The following UBOX5 variants were observed in gnomAD, a reference collection of about 807,000 sequenced individuals.
The protein encoded by UBOX5 is RING finger protein 37.
In UBOX5, 28 loss-of-function variants were observed where a neutral mutation model predicts 39.0. The observed-to-expected ratio is 0.72, with a 90% CI of 0.53 to 0.98. UBOX5 has a LOEUF of 0.98. UBOX5 is among the 50% of genes least tolerant of loss of function. The probability of loss-of-function intolerance (pLI) is 0.00; values close to 1 mark genes in which losing one functional copy is unlikely to be tolerated. For missense variants in UBOX5, 585 were observed against 674.4 expected (o/e 0.87, Z 1.47); for synonymous variants, 283 against 275.5 (o/e 1.03, Z -0.27).
intron 1 of UBOX5, among the ~76,000 whole-genome samples, chr20:3,155,566 T>A (rs2066675535): frequency 6.6e-6 from 1 of 152,118 alleles, no homozygotes; most frequent in African/African-American, 2.4e-5. Context: ...GAAACTATTA[T>A]TTAGTGTTAC....
At chr20:3,153,888 AT>A (rs200828930) in intron 1 of UBOX5, among the ~76,000 whole-genome samples, 3 of 150,998 alleles carry the variant, frequency 2.0e-5, no homozygotes, top group African/African-American at 7.3e-5. Flanking sequence ...TACTCCAATC[AT>A]TTTTTTTTCC....
chr20:3,140,204 T>C (rs1168873947), intron 1 of UBOX5, among the ~76,000 whole-genome samples: 3 of 151,652 alleles, frequency 2.0e-5, no homozygotes, highest in Non-Finnish European at 4.4e-5. Context: ...GTATTTTCAG[T>C]AGAGATGGGG....
At chr20:3,147,511 TG>T in intron 1 of UBOX5, 1 of 1,614,240 alleles carries the variant, frequency 6.2e-7, no homozygotes, top group Non-Finnish European at 8.5e-7. Flanking sequence ...CAATGCCAAC[TG>T]TACCATCGAG....
intron 1 of UBOX5, among the ~76,000 whole-genome samples, chr20:3,155,530 CA>C (rs903767143): frequency 2.7e-4 from 39 of 142,560 alleles, no homozygotes; most frequent in East Asian, 1.6e-3. Context: ...AACTCCATCT[CA>C]AAAAAAAAAA....
intron 4 of UBOX5, among the ~76,000 whole-genome samples, chr20:3,110,874 T>A (rs965860551): frequency 1.3e-5 from 2 of 148,868 alleles, no homozygotes; most frequent in Admixed American, 6.7e-5. Flanking sequence ...CAGCACATGG[T>A]CCAGTGCACC....
intron 3 of UBOX5, among the ~76,000 whole-genome samples, chr20:3,120,245 G>C (rs1054317175): frequency 2.0e-5 from 3 of 151,324 alleles, no homozygotes; most frequent in African/African-American, 7.3e-5. Flanking sequence ...TACTCCAGAG[G>C]CTGAGGCAGG....
At chr20:3,114,645 G>T (rs2066279078) in intron 4 of UBOX5, among the ~76,000 whole-genome samples, 1 of 152,020 alleles carries the variant, frequency 6.6e-6, no homozygotes, top group Non-Finnish European at 1.5e-5. Flanking sequence ...AGACTGGCTA[G>T]ATGAGAAAAA....
In UBOX5 at chr20:3,121,835, G is replaced by A. The variant is rs1026883995; in HGVS notation, c.804C>T (p.Thr268=). 6.2e-7 allele frequency: 1 copy of A among 1,614,120 alleles called. No homozygotes were observed. The highest frequency in any genetic ancestry group is 1.3e-5 in the African/African-American group (1 of 75,058). ...GCATGGGACAAGGCATGATCTCCAG[G>A]GTGATGGGATCCAGGAACTCCTCAG... ...DVPEEFLDPI[T]LEIMPCPMLL... Residue 268 remains threonine (T), a synonymous_variant, in exon 3 of 5, where the codon ACC becomes ACT. Transcript: ENST00000217173.
At position 3,122,117 on chromosome 20, in the gene UBOX5, C is replaced by T. The variant is rs373841538; in HGVS notation, c.522G>A (p.Arg174=). 5.3e-5 allele frequency: 85 copies of T among 1,614,122 alleles called. 1 individual carries two copies. In the African/African-American group the frequency reaches 8.9e-4, roughly 17 times the overall value. Residue 174 remains arginine (R), a synonymous_variant, in exon 3 of 5, where the codon AGG becomes AGA. Transcript: ENST00000217173. Reference sequence around the variant, plus strand: ...CGCCTGTCACATGGGTGATACAGATCCTTAAGTGGGCCACGTGGCTAAGGG... The same window carrying T: ...CGCCTGTCACATGGGTGATACAGATTCTTAAGTGGGCCACGTGGCTAAGGG... The part of the protein sequence containing the change: ...ALSLSHVAHL[R]ICITHVTGGG...
intron 4 of UBOX5, among the ~76,000 whole-genome samples, chr20:3,113,427 G>A (rs978667748): frequency 3.3e-5 from 5 of 152,104 alleles, no homozygotes; most frequent in Admixed American, 2.6e-4. Flanking sequence ...TAAGTTCAGG[G>A]GATGCCATGG....
chr20:3,137,469 A>T (rs566391974), intron 1 of UBOX5, among the ~76,000 whole-genome samples: 1 of 152,046 alleles, frequency 6.6e-6, no homozygotes, highest in East Asian at 1.9e-4. Context: ...GGGTTTCAAC[A>T]TGTTGGCCAG....
At chr20:3,125,361 GCGCC>G (rs2066374840) in intron 1 of UBOX5, among the ~76,000 whole-genome samples, 1 of 143,490 alleles carries the variant, frequency 7.0e-6, no homozygotes. Context: ...GAGGTGAGGA[GCGCC>G]TCTGCCCAGC....
chr20:3,143,909 G>A (rs4277592), intron 1 of UBOX5, among the ~76,000 whole-genome samples: 1 of 152,082 alleles, frequency 6.6e-6, no homozygotes, highest in Non-Finnish European at 1.5e-5. Context: ...AGTGAGCTAC[G>A]ATCACATCAT....
rs960138865 is a variant in UBOX5 at position 3,138,290 on chromosome 20, A to T, written c.-41-14884T>A. The stretch of plus-strand genomic sequence containing the variant: ...AGACTGTCTCAAAAAAAAAAAAAAA[A>T]GTATTATGAAAGTATTATGATCATA... On this transcript the variant is annotated intron_variant, in intron 1 of 4. Coordinates refer to ENST00000217173, the MANE Select transcript of UBOX5 (RefSeq NM_014948.4). Among the ~76,000 whole-genome samples, 3 of 151,174 alleles carry T rather than the reference A, an allele frequency of 2.0e-5. No individual in the cohort carries two copies. The South Asian group carries it at 6.4e-4, about 32-fold the overall frequency.
At chr20:3,115,060 C>A (rs1241228314) in intron 4 of UBOX5, among the ~76,000 whole-genome samples, 1 of 152,174 alleles carries the variant, frequency 6.6e-6, no homozygotes, top group Non-Finnish European at 1.5e-5. Context: ...AGCCCTACAT[C>A]CACAGAATTA....
At chr20:3,142,337 A>C (rs1031548946) in intron 1 of UBOX5, among the ~76,000 whole-genome samples, 1 of 151,946 alleles carries the variant, frequency 6.6e-6, no homozygotes, top group Non-Finnish European at 1.5e-5. Context: ...ATGGTGGCTT[A>C]TGCCTGTAAT....
Position 3,122,257 on chromosome 20 carries a change from G to T in UBOX5, c.382C>A (p.Gln128Lys). The change falls in exon 3 of 5, where the codon CAA becomes AAA. Residue 128 changes from glutamine (Q) to lysine (K), a missense_variant. Physicochemically the swap from Gln to Lys is moderately conservative, Grantham distance 53. Transcript: ENST00000217173. ...VGKVLLKNQS[Q>K]VVFSHRGFKA... ...AAGCCCCTGTGGCTAAACACCACTT[G>T]GCTCTGGTTTTTCAGTAAGACTTTG... 2 of 1,614,228 alleles carry T rather than the reference G, an allele frequency of 1.2e-6. No individual in the cohort carries two copies. The highest frequency in any genetic ancestry group is 1.7e-6 in the Non-Finnish European group (2 of 1,180,032).
At chr20:3,117,063 T>C (rs1286338302) in intron 3 of UBOX5, among the ~76,000 whole-genome samples, 1 of 150,976 alleles carries the variant, frequency 6.6e-6, no homozygotes, top group Non-Finnish European at 1.5e-5. Context: ...ACTACTGCAC[T>C]CCAGCCTGGG....
chr20:3,109,645 T>G lies in UBOX5; in HGVS notation c.*461A>C. ...ACCATCGCTTTATTAAGGCTGCGAG[T>G]CGGGGGGCTGAGTCATGCACTCCAC... is the stretch of plus-strand genomic sequence containing the variant. On this transcript the variant is annotated 3_prime_UTR_variant, in exon 5 of 5. Transcript: ENST00000217173. The G allele has an allele frequency of 5.5e-6, 1 of 181,738 alleles. No homozygotes were observed. The highest frequency in any genetic ancestry group is 1.2e-5 in the Non-Finnish European group (1 of 84,354). The allele number at this position is 181,738 out of a possible 1,614,324, so 11.3% of individuals were successfully genotyped here.
Sources: allele counts gnomAD v4.1 joint callset (sites outside exome capture counted in the v4.1 genomes callset), GRCh38; gene constraint gnomAD v4.1.1; transcripts MANE v1.5; gene names NCBI Gene and HGNC (gene_info 2026-07-23, HGNC 2026-07-21).